Variants in PALM2AKAP2 observed in about 807,000 individuals in gnomAD.
PALM2AKAP2 encodes PALM2-AKAP2 fusion protein.
Under a neutral mutation model 71.5 loss-of-function variants are expected in PALM2AKAP2, and 37 were observed. The ratio of observed to expected loss-of-function variants is 0.52; its 90% CI spans 0.40 to 0.68. The LOEUF is 0.68. PALM2AKAP2 is among the 30% of genes least tolerant of loss of function. The pLI is 0.00. For synonymous variants in PALM2AKAP2, 468 were observed against 478.8 expected (o/e 0.98, Z 0.29); for missense variants, 1,224 against 1,191.8 (o/e 1.03, Z -0.40).
chr9:109,941,645 G>A (rs1291338941), intron 6 of PALM2AKAP2, among the ~76,000 whole-genome samples: 1 of 152,178 alleles, frequency 6.6e-6, no homozygotes, highest in Admixed American at 6.5e-5. Context: ...TGGCTCTATG[G>A]GCCTGATGCA....
At chr9:110,052,314 C>A (rs912089219) in intron 1 of PALM2AKAP2, among the ~76,000 whole-genome samples, 6 of 152,242 alleles carry the variant, frequency 3.9e-5, no homozygotes, top group Admixed American at 3.9e-4. Flanking sequence ...GAGCCTCACC[C>A]AGCAGCACTT....
chr9:110,122,741 T>G (rs1267414230), intron 1 of PALM2AKAP2, among the ~76,000 whole-genome samples: 1 of 152,214 alleles, frequency 6.6e-6, no homozygotes, highest in Non-Finnish European at 1.5e-5. Context: ...CAAAATGGCT[T>G]CTTTTCCCCC....
chr9:109,719,772 C>T (rs1413604671), intron 1 of PALM2AKAP2, among the ~76,000 whole-genome samples: 2 of 152,144 alleles, frequency 1.3e-5, no homozygotes, highest in African/African-American at 4.8e-5. Flanking sequence ...CCCAGTTCCT[C>T]CATGGGCTCA....
rs187162527 is a variant in PALM2AKAP2 at position 110,170,157 on chromosome 9, T to C, written c.*1660T>C. Reference sequence around the variant, plus strand: ...GCAATATGATAAGGGTATTCAATAATTGGGTGCCCTAAATTTCTGGATGAG... The same window carrying C: ...GCAATATGATAAGGGTATTCAATAACTGGGTGCCCTAAATTTCTGGATGAG... On this transcript the variant is annotated 3_prime_UTR_variant, in exon 4 of 4. Coordinates refer to ENST00000374525, the Ensembl canonical transcript of PALM2AKAP2. The C allele has an allele frequency of 2.3e-3, 347 of 152,612 alleles. 5 individuals are homozygous for C. Among genetic ancestry groups the C allele is most frequent in the South Asian group, 6.6e-3 (32 of 4,824 alleles). 9.5% of individuals were successfully genotyped at this position (152,612 alleles called of 1,614,324 possible).
intron 1 of PALM2AKAP2, among the ~76,000 whole-genome samples, chr9:109,716,285 C>T (rs542957743): frequency 6.2e-4 from 95 of 152,168 alleles, no homozygotes; most frequent in African/African-American, 2.2e-3. Flanking sequence ...ATGATGAAGG[C>T]GTAACTGTGC....
rs756863189 is a variant in PALM2AKAP2, at chr9:109,923,815, A to G, written c.338A>G (p.Lys113Arg). The G allele has an allele frequency of 3.1e-6, 5 of 1,600,430 alleles. No homozygotes were observed. In the East Asian group the frequency reaches 9.0e-5, roughly 29 times the overall value. Residue 113 changes from lysine (K) to arginine (R), a missense_variant, in exon 4 of 10, where the codon AAG (lysine) becomes AGG (arginine). Physicochemically the swap from Lys to Arg is conservative, Grantham distance 26. Transcript: ENST00000302798. ...GAGCAAATCATCCTAGAGAAACTGA[A>G]GGAAACAGAAAAATCCTTCAAGGAC...
chr9:110,033,064 C>G (rs1375772491), intron 7 of PALM2AKAP2, among the ~76,000 whole-genome samples: 1 of 152,096 alleles, frequency 6.6e-6, no homozygotes, highest in Non-Finnish European at 1.5e-5. Flanking sequence ...GGAGACAAAA[C>G]CTTATTTAAG....
chr9:109,936,397 T>C (rs1831217997), intron 6 of PALM2AKAP2, among the ~76,000 whole-genome samples: 1 of 152,240 alleles, frequency 6.6e-6, no homozygotes, highest in Non-Finnish European at 1.5e-5. Context: ...TCTGAATTAA[T>C]TTCCTCATTT....
At chr9:110,045,681 C>T (rs1191079579), upstream of PALM2AKAP2, among the ~76,000 whole-genome samples, 1 of 152,114 alleles carries the variant, frequency 6.6e-6, no homozygotes, top group Non-Finnish European at 1.5e-5. Context: ...GATTCTCCTG[C>T]CTCAGCCTCC....
intron 1 of PALM2AKAP2, among the ~76,000 whole-genome samples, chr9:109,686,183 G>A (rs1012461041): frequency 4.7e-4 from 71 of 152,232 alleles, no homozygotes; most frequent in African/African-American, 1.5e-3. Flanking sequence ...AGTCATTTAC[G>A]AGGGTTGGAA....
At chr9:110,163,275 AG>A (rs756289606) in intron 3 of PALM2AKAP2, among the ~76,000 whole-genome samples, 14 of 152,140 alleles carry the variant, frequency 9.2e-5, no homozygotes, top group Admixed American at 2.0e-4. Context: ...ACTATGTGTC[AG>A]GCATTGTTCT....
intron 7 of PALM2AKAP2, among the ~76,000 whole-genome samples, chr9:110,023,607 C>T (rs558981973): frequency 5.9e-5 from 9 of 152,136 alleles, no homozygotes; most frequent in African/African-American, 2.2e-4. Context: ...AGCCACAGCA[C>T]CCAGCTCCAG....
Position 109,677,348 on chromosome 9 carries a change from G to A in PALM2AKAP2, c.5+36482G>A, listed in dbSNP as rs184528938. Among the ~76,000 whole-genome samples the A allele has an allele frequency of 4.1e-4, 62 of 152,186 alleles. No homozygotes were observed. In the East Asian group the frequency reaches 4.8e-3, roughly 12 times the overall value. On this transcript the variant is annotated intron_variant, in intron 1 of 6. Coordinates refer to the PALM2AKAP2 transcript ENST00000374531. ...GCTAGGGCTCATAGAGGGCTTTAAC[G>A]TAAAGTTTGACTTGGCTATAGAATT...
exon 2 of PALM2AKAP2, chr9:109,867,568 C>T: frequency 1.2e-6 from 2 of 1,612,474 alleles, no homozygotes; most frequent in Non-Finnish European, 1.7e-6. Context: ...TGCAGCATTC[C>T]AAGGTAAGCA....
At chr9:109,684,350 C>T (rs540082603) in intron 1 of PALM2AKAP2, among the ~76,000 whole-genome samples, 51 of 152,182 alleles carry the variant, frequency 3.4e-4, no homozygotes, top group Admixed American at 4.6e-4. Flanking sequence ...CGCTAATGCC[C>T]GGGCCCCACT....
chr9:109,909,963 G>A (rs75154835), intron 3 of PALM2AKAP2, among the ~76,000 whole-genome samples: 9,758 of 152,184 alleles, frequency 0.064, 551 homozygotes, highest in East Asian at 0.26. Context: ...GGTGTGTCTA[G>A]GCACATTCTG....
chr9:110,004,123 A>G (rs557019777), intron 6 of PALM2AKAP2, among the ~76,000 whole-genome samples: 2 of 152,302 alleles, frequency 1.3e-5, no homozygotes, highest in Non-Finnish European at 1.5e-5. Flanking sequence ...TCTTTCTAGC[A>G]TCGATGGTCT....
At chr9:109,660,873 A>G (rs1296609847) in intron 1 of PALM2AKAP2, among the ~76,000 whole-genome samples, 3 of 152,080 alleles carry the variant, frequency 2.0e-5, no homozygotes, top group Non-Finnish European at 4.4e-5. Context: ...CTGGCATGAG[A>G]TGGTATCTCA....
chr9:110,044,344 C>CTTTTTT (rs57314430), upstream of PALM2AKAP2, among the ~76,000 whole-genome samples: 365 of 80,158 alleles, frequency 4.6e-3, 3 homozygotes, highest in Middle Eastern at 0.029. Context: ...TTCTTTCTTT[C>CTTTTTT]TTTTTTTTTT....
Sources: gnomAD v4.1 joint callset for allele counts (sites outside exome capture counted in the v4.1 genomes callset) on GRCh38, gnomAD v4.1.1 for gene constraint, MANE v1.5 for transcripts, NCBI Gene and HGNC (gene_info 2026-07-23, HGNC 2026-07-21) for gene names.